The following CFAP47 variants were observed in gnomAD, a reference collection of about 807,000 sequenced individuals.
CFAP47 encodes the protein cilia- and flagella-associated protein 47.
Under a neutral mutation model 148.1 loss-of-function variants are expected in CFAP47, and 29 were observed. The ratio of observed to expected loss-of-function variants is 0.20; its 90% CI spans 0.15 to 0.27. CFAP47 has a LOEUF of 0.27. Among genes scored for constraint, CFAP47 ranks in the 10% least tolerant of loss-of-function variants. The probability of loss-of-function intolerance (pLI) is 1.00; values close to 1 mark genes in which losing one functional copy is unlikely to be tolerated. For synonymous variants in CFAP47, 664 were observed against 577.3 expected (o/e 1.15, Z -2.15); for missense variants, 1,872 against 1,697.5 (o/e 1.10, Z -1.81).
At chrX:35,927,596 G>GGTGTGTGTGTGTGT (rs371527797) in intron 2 of CFAP47, among the ~76,000 whole-genome samples, 17 of 106,298 alleles carry the variant, frequency 1.6e-4, no homozygotes, top group African/African-American at 5.9e-4. Flanking sequence ...GTTGAAGGAA[G>GGTGTGTGTGTGTGT]GTGTGTGTGT....
intron 46 of CFAP47, among the ~76,000 whole-genome samples, chrX:36,234,767 T>G (rs1201313872): frequency 9.0e-6 from 1 of 111,493 alleles, no homozygotes; most frequent in African/African-American, 3.3e-5. Flanking sequence ...TGGCCTTTGA[T>G]GATGGTGAGG....
At chrX:36,106,063 G>C (rs1191961109) in intron 33 of CFAP47, among the ~76,000 whole-genome samples, 1 of 111,623 alleles carries the variant, frequency 9.0e-6, no homozygotes, top group African/African-American at 3.2e-5. Flanking sequence ...CATTTCATTC[G>C]AGTCATTGAT....
intron 21 of CFAP47, among the ~76,000 whole-genome samples, chrX:36,002,569 C>T (rs1488216753): frequency 2.7e-5 from 3 of 110,862 alleles, no homozygotes; most frequent in Non-Finnish European, 5.7e-5. Context: ...GCAACAAGAG[C>T]GAGATTTCGT....
intron 21 of CFAP47, among the ~76,000 whole-genome samples, chrX:36,007,459 G>T (rs1350371447): frequency 8.9e-6 from 1 of 112,000 alleles, no homozygotes; most frequent in East Asian, 2.8e-4. Flanking sequence ...GACAACATCT[G>T]GGAAATCACT....
Position 36,039,044 on chromosome X carries a change from A to G in CFAP47, c.3872A>G (p.Tyr1291Cys), listed in dbSNP as rs1486786658. The G allele has an allele frequency of 8.8e-7, 1 of 1,131,999 alleles. No individual in the cohort carries two copies. The highest frequency in any genetic ancestry group is 1.2e-6 in the Non-Finnish European group (1 of 844,681). The allele number at this position is 1,131,999 out of a possible 1,213,427, so 93.3% of individuals were successfully genotyped here. ...PMLLNYIPVCYKILHLTGEVK... is the reference protein window; with the variant it reads ...PMLLNYIPVCCKILHLTGEVK... Reference sequence around the variant, plus strand: ...CTTTTAAATTATATTCCAGTTTGCTATAAAATATTACATCTTACTGGGGAA... The same window carrying G: ...CTTTTAAATTATATTCCAGTTTGCTGTAAAATATTACATCTTACTGGGGAA... Residue 1291 changes from tyrosine (Y) to cysteine (C), a missense_variant, in exon 25 of 64, where the codon TAT becomes TGT. Coordinates refer to ENST00000378653, the MANE Select transcript of CFAP47 (RefSeq NM_001304548.2).
chrX:36,259,875 C>A (rs1177070227), intron 49 of CFAP47, among the ~76,000 whole-genome samples: 1 of 111,098 alleles, frequency 9.0e-6, no homozygotes, highest in Non-Finnish European at 1.9e-5. Context: ...ACTTTTCCCC[C>A]TCAAGCAGTT....
At chrX:36,048,120 C>T (rs971886257) in intron 26 of CFAP47, among the ~76,000 whole-genome samples, 1 of 112,035 alleles carries the variant, frequency 8.9e-6, no homozygotes, top group African/African-American at 3.2e-5. Flanking sequence ...TTGCCTTTCT[C>T]TCTTTAGGCA....
chrX:36,118,208 A>G (rs1938675146), intron 33 of CFAP47, among the ~76,000 whole-genome samples: 1 of 111,627 alleles, frequency 9.0e-6, no homozygotes, highest in Non-Finnish European at 1.9e-5. Flanking sequence ...TGTTTAGTAT[A>G]ACTTTGGCTA....
At chrX:36,263,001 C>G (rs1286296123) in intron 49 of CFAP47, among the ~76,000 whole-genome samples, 6 of 111,757 alleles carry the variant, frequency 5.4e-5, no homozygotes, top group African/African-American at 2.0e-4. Flanking sequence ...GCCTGTTTGC[C>G]ATTTGTATGT....
rs782016509 is a variant in CFAP47, at chrX:36,348,305, G to A, written c.8603+17G>A. ...ATTTAAAAGGTAACATTTAAATAAAGACATTGAAGGAAAATAATTTTATTT... is the reference window on the plus strand; with the variant it reads ...ATTTAAAAGGTAACATTTAAATAAAAACATTGAAGGAAAATAATTTTATTT... On this transcript the variant is annotated intron_variant, in intron 58 of 63. Transcript: ENST00000378653. 1 of 905,723 alleles carries A rather than the reference G, an allele frequency of 1.1e-6. No homozygotes were observed. The highest frequency in any genetic ancestry group is 4.0e-5 in the South Asian group (1 of 25,139). 74.6% of individuals were successfully genotyped at this position (905,723 alleles called of 1,213,427 possible). A position where few individuals can be genotyped will look rare whatever the true frequency, so the allele number is the denominator to read the frequency against.
intron 62 of CFAP47, among the ~76,000 whole-genome samples, chrX:36,369,197 C>A (rs1406265699): frequency 9.0e-6 from 1 of 110,648 alleles, no homozygotes; most frequent in African/African-American, 3.3e-5. Flanking sequence ...TGGATAAATG[C>A]AGTTGTCAGA....
chrX:36,104,704 A>G lies in CFAP47; in HGVS notation c.5320+13A>G. ...AACTGTCACAAAGGTGAGAAGTGATATTTTTCTTTAAACAAATTATTGCAA... is the reference window on the plus strand; with the variant it reads ...AACTGTCACAAAGGTGAGAAGTGATGTTTTTCTTTAAACAAATTATTGCAA... On this transcript the variant is annotated intron_variant, in intron 33 of 63. Transcript: ENST00000378653. 1.6e-6 allele frequency: 1 copy of G among 641,110 alleles called. No individual in the cohort carries two copies. The highest frequency in any genetic ancestry group is 3.6e-5 in the East Asian group (1 of 27,609). The allele number at this position is 641,110 out of a possible 1,213,427, so 52.8% of individuals were successfully genotyped here.
intron 26 of CFAP47, among the ~76,000 whole-genome samples, chrX:36,051,912 T>C (rs760391978): frequency 6.3e-5 from 7 of 111,059 alleles, no homozygotes; most frequent in African/African-American, 2.0e-4. Context: ...GTTCTCATGA[T>C]AGTGAATAAG....
intron 22 of CFAP47, among the ~76,000 whole-genome samples, chrX:36,020,318 G>T (rs1406041525): frequency 8.9e-6 from 1 of 111,996 alleles, no homozygotes; most frequent in Non-Finnish European, 1.9e-5. Flanking sequence ...GTAGCCATTG[G>T]ATGAAATGTT....
chrX:35,935,061 C>G (rs1935889839), intron 2 of CFAP47, among the ~76,000 whole-genome samples: 1 of 111,475 alleles, frequency 9.0e-6, no homozygotes, highest in Admixed American at 9.5e-5. Context: ...CTCCCCTAGC[C>G]ACACCAGCTG....
intron 51 of CFAP47, among the ~76,000 whole-genome samples, chrX:36,290,680 C>T (rs1556005428): frequency 8.9e-6 from 1 of 112,377 alleles, no homozygotes; most frequent in African/African-American, 3.2e-5. Context: ...GTCTTACTGG[C>T]TAGTCATTGA....
intron 22 of CFAP47, among the ~76,000 whole-genome samples, chrX:36,019,133 GATGA>G (rs1937130192): frequency 8.9e-6 from 1 of 111,888 alleles, no homozygotes; most frequent in Admixed American, 9.5e-5. Context: ...CCCAGCGACA[GATGA>G]ATGAAGTACA....
At chrX:36,056,689 G>C (rs1418926160) in intron 26 of CFAP47, among the ~76,000 whole-genome samples, 1 of 112,409 alleles carries the variant, frequency 8.9e-6, no homozygotes, top group Non-Finnish European at 1.9e-5. Flanking sequence ...GTTAGCACTT[G>C]GTGCTTAGCT....
chrX:36,075,324 C>T (rs1368743002), intron 29 of CFAP47, among the ~76,000 whole-genome samples: 1 of 109,828 alleles, frequency 9.1e-6, no homozygotes, highest in African/African-American at 3.3e-5. Flanking sequence ...GCTTCCCGGG[C>T]TCAAGCAGTT....
Sources: gnomAD v4.1 joint callset for allele counts (sites outside exome capture counted in the v4.1 genomes callset) on GRCh38, gnomAD v4.1.1 for gene constraint, MANE v1.5 for transcripts, NCBI Gene and HGNC (gene_info 2026-07-23, HGNC 2026-07-21) for gene names.